NDST3: variants seen among roughly 807,000 people sequenced by gnomAD.
NDST3 encodes the protein bifunctional heparan sulfate N-deacetylase/N-sulfotransferase 3.
NDST3 carries 58 observed loss-of-function variants against 96.1 expected under a neutral mutation model. The observed-to-expected ratio is 0.60, with a 90% CI of 0.49 to 0.75. NDST3 has a LOEUF of 0.75. Ranked by LOEUF, NDST3 falls within the 30% of genes least tolerant of loss-of-function variation. The pLI is 0.00. For synonymous variants in NDST3, 333 were observed against 359.7 expected (o/e 0.93, Z 0.84); for missense variants, 788 against 1,034.2 (o/e 0.76, Z 3.27).
intron 2 of NDST3, among the ~76,000 whole-genome samples, chr4:118,066,100 TATATA>T (rs547583246): frequency 4.8e-4 from 20 of 41,318 alleles, no homozygotes; most frequent in African/African-American, 1.1e-3. Flanking sequence ...TTATATATAT[TATATA>T]ATATATTTTA....
intron 4 of NDST3, among the ~76,000 whole-genome samples, chr4:118,127,599 T>C (rs1321111291): frequency 6.6e-6 from 1 of 151,958 alleles, no homozygotes; most frequent in East Asian, 1.9e-4. Flanking sequence ...CCATAACTCC[T>C]TAGTATAACG....
chr4:118,130,604 C>CATT lies in NDST3; in HGVS notation c.1225-7448_1225-7446dup, dbSNP rs1340026508. ...AAGATAAGAGAAGTTTACACACCAC[C>CATT]ATTACAATGTTATCATAGTCTGTGT... On this transcript the variant is annotated intron_variant, in intron 4 of 13. Coordinates refer to ENST00000296499, the MANE Select transcript of NDST3 (RefSeq NM_004784.3). Among the ~76,000 whole-genome samples, 3 of 152,230 alleles carry CATT rather than the reference C, an allele frequency of 2.0e-5. No homozygotes were observed. The East Asian group carries it at 5.8e-4, about 29-fold the overall frequency.
intron 6 of NDST3, among the ~76,000 whole-genome samples, chr4:118,213,722 A>C (rs1485651161): frequency 1.3e-5 from 2 of 149,972 alleles, no homozygotes; most frequent in Non-Finnish European, 3.0e-5. Context: ...TTTATACATA[A>C]TTTATAATAT....
intron 6 of NDST3, among the ~76,000 whole-genome samples, chr4:118,164,382 C>CTCTTGGGTACCAG (rs1735404747): frequency 6.6e-6 from 1 of 152,122 alleles, no homozygotes; most frequent in Non-Finnish European, 1.5e-5. Context: ...GAAAAAATAA[C>CTCTTGGGTACCAG]TCTTGGGTAC....
intron 2 of NDST3, among the ~76,000 whole-genome samples, chr4:118,072,049 C>T (rs1399029196): frequency 6.6e-6 from 1 of 151,870 alleles, no homozygotes; most frequent in Admixed American, 6.6e-5. Flanking sequence ...AAGTGTGAGG[C>T]TTTATTTCTG....
At chr4:118,086,371 G>T (rs1012949361) in intron 2 of NDST3, among the ~76,000 whole-genome samples, 1 of 152,044 alleles carries the variant, frequency 6.6e-6, no homozygotes, top group African/African-American at 2.4e-5. Context: ...ATCTGATCCA[G>T]ATCCTCTTGT....
intron 6 of NDST3, among the ~76,000 whole-genome samples, chr4:118,206,993 CA>C (rs1253251577): frequency 1.4e-5 from 2 of 142,576 alleles, no homozygotes; most frequent in African/African-American, 5.2e-5. Flanking sequence ...AACAGAATTA[CA>C]GCATATATAT....
rs1353786925 is a variant in NDST3, at chr4:118,205,839, T to C, written c.1540-18652T>C. On this transcript the variant is annotated intron_variant, in intron 6 of 13. Transcript: ENST00000296499. ...GGCCACCTATCGGGCTTTCTTTTTTTTTTTTTTTTTTGAGACGGAGTCTCG... is the reference window on the plus strand; with the variant it reads ...GGCCACCTATCGGGCTTTCTTTTTTCTTTTTTTTTTTGAGACGGAGTCTCG... 4.4e-5 allele frequency among the ~76,000 whole-genome samples: 6 copies of C among 137,406 alleles called. No homozygotes were observed. The East Asian group carries it at 1.0e-3, about 23-fold the overall frequency. 90.1% of individuals were successfully genotyped at this position (137,406 alleles called of 152,430 possible).
intron 4 of NDST3, among the ~76,000 whole-genome samples, chr4:118,116,837 G>A (rs919776357): frequency 2.2e-4 from 33 of 150,732 alleles, no homozygotes; most frequent in Admixed American, 1.1e-3. Context: ...CAGCCTGGGC[G>A]ACACAGCCAG....
intron 6 of NDST3, among the ~76,000 whole-genome samples, chr4:118,170,183 T>G (rs1735842148): frequency 1.3e-5 from 2 of 152,198 alleles, no homozygotes; most frequent in Non-Finnish European, 2.9e-5. Context: ...GAAATTGTGG[T>G]AGTCATTTTT....
intron 6 of NDST3, among the ~76,000 whole-genome samples, chr4:118,220,970 T>G (rs1739502105): frequency 6.6e-6 from 1 of 152,068 alleles, no homozygotes; most frequent in Admixed American, 6.6e-5. Flanking sequence ...CTGGGAGAAC[T>G]GGGTCTAGCC....
At chr4:118,068,442 C>T (rs1465932271) in intron 2 of NDST3, among the ~76,000 whole-genome samples, 2 of 152,062 alleles carry the variant, frequency 1.3e-5, no homozygotes, top group African/African-American at 4.8e-5. Flanking sequence ...TCACTAGTTT[C>T]TTCTTAATCA....
intron 6 of NDST3, among the ~76,000 whole-genome samples, chr4:118,217,916 C>T (rs1012370808): frequency 3.3e-5 from 5 of 152,046 alleles, no homozygotes; most frequent in Non-Finnish European, 5.9e-5. Flanking sequence ...ACTATAAACA[C>T]CTCTACACAA....
At chr4:118,232,165 G>A (rs1004766003) in intron 8 of NDST3, among the ~76,000 whole-genome samples, 5 of 152,034 alleles carry the variant, frequency 3.3e-5, no homozygotes, top group Non-Finnish European at 5.9e-5. Context: ...ATAGGCCTCT[G>A]GAAGAACTTA....
chr4:118,142,864 C>T (rs547620464), intron 5 of NDST3, among the ~76,000 whole-genome samples: 1 of 152,134 alleles, frequency 6.6e-6, no homozygotes, highest in Admixed American at 6.5e-5. Context: ...TACATATATA[C>T]AAAGGATGAA....
At chr4:118,193,805 G>A (rs1209297431) in intron 6 of NDST3, 7 of 1,481,784 alleles carry the variant, frequency 4.7e-6, no homozygotes, top group African/African-American at 2.8e-5. Context: ...ATGACACATG[G>A]CCAGGTTGAG....
chr4:118,045,348 T>C (rs1225220208), intron 1 of NDST3, among the ~76,000 whole-genome samples: 1 of 152,168 alleles, frequency 6.6e-6, no homozygotes, highest in African/African-American at 2.4e-5. Flanking sequence ...AGTCATTGTC[T>C]CTAATCCACA....
At chr4:118,115,279 T>A (rs1480230004) in intron 4 of NDST3, among the ~76,000 whole-genome samples, 1 of 152,196 alleles carries the variant, frequency 6.6e-6, no homozygotes, top group African/African-American at 2.4e-5. Flanking sequence ...GAAATATGCA[T>A]GTTAAACAAT....
chr4:118,136,738 G>A (rs1371959661), intron 4 of NDST3, among the ~76,000 whole-genome samples: 2 of 152,200 alleles, frequency 1.3e-5, no homozygotes, highest in African/African-American at 4.8e-5. Flanking sequence ...TGACGGAACT[G>A]AGTTTTGAAC....
Sources: allele counts gnomAD v4.1 joint callset (sites outside exome capture counted in the v4.1 genomes callset), GRCh38; gene constraint gnomAD v4.1.1; transcripts MANE v1.5; gene names NCBI Gene and HGNC (gene_info 2026-07-23, HGNC 2026-07-21).